The following GUCA1C variants were observed in gnomAD, a reference collection of about 807,000 sequenced individuals.
GUCA1C encodes the protein guanylyl cyclase-activating protein 3.
GUCA1C carries 15 observed loss-of-function variants against 16.2 expected under a neutral mutation model. The ratio of observed to expected loss-of-function variants is 0.93; its 90% CI spans 0.62 to 1.43. GUCA1C has a LOEUF of 1.43. Among genes scored for constraint, GUCA1C ranks in the 40% most tolerant of loss-of-function variants. The pLI, the probability that GUCA1C is intolerant of heterozygous loss-of-function variation, is 0.00. For synonymous variants in GUCA1C, 78 were observed against 85.4 expected (o/e 0.91, Z 0.48); for missense variants, 275 against 244.8 (o/e 1.12, Z -0.82).
At chr3:108,955,185 G>A (rs529227662), upstream of GUCA1C, among the ~76,000 whole-genome samples, 2 of 152,126 alleles carry the variant, frequency 1.3e-5, no homozygotes, top group South Asian at 4.1e-4. Flanking sequence ...TAGCCATCAT[G>A]GCCTAAATGA....
At chr3:108,927,335 T>C (rs1398463053) in intron 1 of GUCA1C, among the ~76,000 whole-genome samples, 1 of 152,200 alleles carries the variant, frequency 6.6e-6, no homozygotes, top group Admixed American at 6.5e-5. Flanking sequence ...TCTAAACTTT[T>C]AGATTTCTCT....
At chr3:108,934,193 G>A (rs947810816) in intron 1 of GUCA1C, among the ~76,000 whole-genome samples, 5 of 152,096 alleles carry the variant, frequency 3.3e-5, no homozygotes, top group Non-Finnish European at 7.3e-5. Context: ...GGGTGGCAAG[G>A]GGAGGGAAAG....
Position 108,935,494 on chromosome 3 carries a change from T to A in GUCA1C, c.205-14909A>T, listed in dbSNP as rs768675971. 1.5e-3 allele frequency among the ~76,000 whole-genome samples: 221 copies of A among 151,476 alleles called. 1 individual carries two copies. The highest frequency in any genetic ancestry group is 2.5e-3 in the Non-Finnish European group (169 of 67,862). On this transcript the variant is annotated intron_variant, in intron 1 of 3. Coordinates refer to ENST00000261047, the MANE Select transcript of GUCA1C (RefSeq NM_005459.4). ...TCATGAGGTTAGGAAATGGAGACCA[T>A]CCTGGCTAACGTGGTGAAACCACGT... is the stretch of plus-strand genomic sequence containing the variant.
chr3:108,947,693 A>T (rs920533670), intron 1 of GUCA1C, among the ~76,000 whole-genome samples: 1 of 152,206 alleles, frequency 6.6e-6, no homozygotes, highest in Non-Finnish European at 1.5e-5. Flanking sequence ...TCCAGAAAAC[A>T]TGTAGGAGGA....
At chr3:108,935,479 A>G (rs568253971) in intron 1 of GUCA1C, among the ~76,000 whole-genome samples, 9 of 152,244 alleles carry the variant, frequency 5.9e-5, no homozygotes, top group Admixed American at 5.2e-4. Flanking sequence ...TCATGAGGTT[A>G]GGAAATGGAG....
chr3:108,917,895 A>T (rs951285227), intron 2 of GUCA1C, among the ~76,000 whole-genome samples: 1 of 152,076 alleles, frequency 6.6e-6, no homozygotes, highest in African/African-American at 2.4e-5. Flanking sequence ...AAATACAAAA[A>T]TTAGCCAGGC....
chr3:108,942,794 C>T (rs895937790), intron 1 of GUCA1C, among the ~76,000 whole-genome samples: 1 of 152,196 alleles, frequency 6.6e-6, no homozygotes, highest in Admixed American at 6.5e-5. Context: ...ATTGTAAAGT[C>T]AATTTAGGAC....
chr3:108,938,322 TGA>T (rs1053876051), intron 1 of GUCA1C, among the ~76,000 whole-genome samples: 6 of 152,308 alleles, frequency 3.9e-5, no homozygotes, highest in Admixed American at 3.9e-4. Context: ...CTTTAACATA[TGA>T]CACTTTTCAA....
intron 3 of GUCA1C, among the ~76,000 whole-genome samples, chr3:108,913,185 A>T (rs1259344362): frequency 6.6e-6 from 1 of 151,616 alleles, no homozygotes; most frequent in Non-Finnish European, 1.5e-5. Flanking sequence ...AATATTCATT[A>T]TATTATCGGC....
chr3:108,913,433 A>G (rs1946476874), intron 3 of GUCA1C, among the ~76,000 whole-genome samples: 1 of 152,040 alleles, frequency 6.6e-6, no homozygotes, highest in Non-Finnish European at 1.5e-5. Flanking sequence ...TTATTTGTAA[A>G]TGAAGCACTT....
At chr3:108,947,265 A>G (rs1020244043) in intron 1 of GUCA1C, among the ~76,000 whole-genome samples, 2 of 152,170 alleles carry the variant, frequency 1.3e-5, no homozygotes, top group Admixed American at 6.6e-5. Flanking sequence ...AAGAGAAAAT[A>G]TATTTACTAT....
intron 2 of GUCA1C, among the ~76,000 whole-genome samples, chr3:108,918,699 C>T (rs1444487954): frequency 6.6e-6 from 1 of 152,164 alleles, no homozygotes; most frequent in African/African-American, 2.4e-5. Context: ...TCCTTGCAAT[C>T]TCTTAATGCC....
intron 2 of GUCA1C, among the ~76,000 whole-genome samples, chr3:108,916,990 T>C (rs751475026): frequency 6.6e-6 from 1 of 152,204 alleles, no homozygotes; most frequent in Non-Finnish European, 1.5e-5. Context: ...AATATGACTC[T>C]CTCTCTCTTG....
At chr3:108,944,385 G>A (rs1305985097) in intron 1 of GUCA1C, among the ~76,000 whole-genome samples, 2 of 152,170 alleles carry the variant, frequency 1.3e-5, no homozygotes, top group Non-Finnish European at 2.9e-5. Context: ...TCTTGTCTAT[G>A]AGGAACATCT....
At chr3:108,929,974 A>T (rs1946652257) in intron 1 of GUCA1C, among the ~76,000 whole-genome samples, 1 of 152,202 alleles carries the variant, frequency 6.6e-6, no homozygotes, top group Non-Finnish European at 1.5e-5. Context: ...TAAGGACTGC[A>T]AGTTTAGGTA....
intron 1 of GUCA1C, among the ~76,000 whole-genome samples, chr3:108,927,583 G>A (rs745755174): frequency 9.9e-5 from 15 of 152,028 alleles, no homozygotes; most frequent in Non-Finnish European, 1.5e-4. Flanking sequence ...ATTTCCAGAA[G>A]TTGTGATTGT....
At chr3:108,938,243 T>C (rs1436926055) in intron 1 of GUCA1C, among the ~76,000 whole-genome samples, 1 of 129,654 alleles carries the variant, frequency 7.7e-6, no homozygotes, top group East Asian at 2.1e-4. Context: ...TTATTTTTCA[T>C]AGCATCACTA....
At chr3:108,915,268 A>G (rs1442982247) in intron 3 of GUCA1C, among the ~76,000 whole-genome samples, 1 of 152,206 alleles carries the variant, frequency 6.6e-6, no homozygotes, top group African/African-American at 2.4e-5. Flanking sequence ...TGCCTTTGGA[A>G]GGAGTTTTGG....
intron 2 of GUCA1C, among the ~76,000 whole-genome samples, chr3:108,919,622 C>A (rs6788013): frequency 0.024 from 3,638 of 152,166 alleles, 74 homozygotes; most frequent in Middle Eastern, 0.095. Context: ...CTGCTTTGAA[C>A]GTTTGTTGAG....
Sources: gnomAD v4.1 joint callset for allele counts (sites outside exome capture counted in the v4.1 genomes callset) on GRCh38, gnomAD v4.1.1 for gene constraint, MANE v1.5 for transcripts, NCBI Gene and HGNC (gene_info 2026-07-23, HGNC 2026-07-21) for gene names.